WDR44: variants seen among roughly 807,000 people sequenced by gnomAD.
WDR44 encodes WD repeat domain 44.
A neutral mutation model predicts 65.7 loss-of-function variants in WDR44; 9 were observed. That is an observed-to-expected ratio of 0.14 (90% CI 0.08 to 0.24). The LOEUF is 0.24. Ranked by LOEUF, WDR44 falls within the 10% of genes least tolerant of loss-of-function variation. WDR44 has a pLI of 1.00. For missense variants in WDR44, 425 were observed against 670.9 expected (o/e 0.63, Z 4.05); for synonymous variants, 220 against 235.2 (o/e 0.94, Z 0.59).
At chrX:118,375,177 T>G (rs73599036) in intron 1 of WDR44, among the ~76,000 whole-genome samples, 14,755 of 107,823 alleles carry the variant, frequency 0.14, 1,101 homozygotes, top group African/African-American at 0.3. Context: ...GGCTTCCTGG[T>G]TTTTTTTTGT....
At chrX:118,375,094 A>G (rs1002421944) in intron 1 of WDR44, among the ~76,000 whole-genome samples, 1 of 111,890 alleles carries the variant, frequency 8.9e-6, no homozygotes. Context: ...TAATTAGCCA[A>G]TAACTTTGAT....
At chrX:118,369,313 A>G (rs764288462) in intron 1 of WDR44, among the ~76,000 whole-genome samples, 68 of 103,592 alleles carry the variant, frequency 6.6e-4, no homozygotes, top group Admixed American at 6.0e-3. Context: ...CTGGGACTAT[A>G]GGCACCCGCC....
At chrX:118,424,326 T>TATATATATATATAC (rs2057136350) in intron 12 of WDR44, among the ~76,000 whole-genome samples, 1 of 72,760 alleles carries the variant, frequency 1.4e-5, no homozygotes, top group African/African-American at 6.4e-5. Flanking sequence ...TGTGTGTGTA[T>TATATATATATATAC]ATATATATAT....
intron 19 of WDR44, chrX:118,445,081 G>T (rs1017482678): frequency 2.0e-5 from 6 of 299,160 alleles, no homozygotes; most frequent in East Asian, 1.1e-4. Context: ...GGATCACGAG[G>T]TCAGGAGATC....
At chrX:118,424,283 G>A (rs202102473) in intron 12 of WDR44, among the ~76,000 whole-genome samples, 41 of 65,829 alleles carry the variant, frequency 6.2e-4, no homozygotes, top group African/African-American at 1.0e-3. Context: ...ATATATATAT[G>A]TGTGTGTGTG....
chrX:118,419,801 T>C (rs2057088956), intron 12 of WDR44, among the ~76,000 whole-genome samples: 1 of 112,029 alleles, frequency 8.9e-6, no homozygotes, highest in Non-Finnish European at 1.9e-5. Flanking sequence ...GTTTTTTAAT[T>C]GGTACATTTA....
chrX:118,408,801 G>A (rs2056989274), intron 10 of WDR44, among the ~76,000 whole-genome samples: 1 of 112,019 alleles, frequency 8.9e-6, no homozygotes, highest in African/African-American at 3.2e-5. Flanking sequence ...GTGCTATGCT[G>A]AGGGCTCTGC....
At chrX:118,348,706 T>TGGGTGGGCAACTTATAAC (rs1257450279) in intron 1 of WDR44, among the ~76,000 whole-genome samples, 7 of 112,151 alleles carry the variant, frequency 6.2e-5, no homozygotes, top group African/African-American at 2.3e-4. Context: ...TGAGGAGATC[T>TGGGTGGGCAACTTATAAC]GGGTGGGCAA....
At chrX:118,445,922 C>G (rs1350972327) in intron 19 of WDR44, among the ~76,000 whole-genome samples, 1 of 108,870 alleles carries the variant, frequency 9.2e-6, no homozygotes, top group Non-Finnish European at 1.9e-5. Flanking sequence ...CCCAGCTACT[C>G]AGGAGGCTGA....
intron 12 of WDR44, among the ~76,000 whole-genome samples, chrX:118,416,489 G>A (rs1411198107): frequency 9.0e-6 from 1 of 111,562 alleles, no homozygotes. Flanking sequence ...GTATTTGCAC[G>A]GTTTCGAAGG....
At chrX:118,353,019 CT>C (rs1157902209) in intron 1 of WDR44, among the ~76,000 whole-genome samples, 1 of 112,154 alleles carries the variant, frequency 8.9e-6, no homozygotes, top group Non-Finnish European at 1.9e-5. Context: ...ATTGTAGGTA[CT>C]TTATGATGTC....
chrX:118,431,682 C>A (rs1172610666), intron 12 of WDR44, among the ~76,000 whole-genome samples: 1 of 112,017 alleles, frequency 8.9e-6, no homozygotes, highest in African/African-American at 3.2e-5. Context: ...TTTCTCTGTC[C>A]TCATCATCCT....
intron 13 of WDR44, among the ~76,000 whole-genome samples, chrX:118,435,445 A>T (rs1186683081): frequency 9.3e-6 from 1 of 107,207 alleles, no homozygotes; most frequent in Non-Finnish European, 1.9e-5. Context: ...CGCCCAGCTA[A>T]TTTTTTTTTT....
At chrX:118,368,712 CTTTTTTT>C (rs57659623) in intron 1 of WDR44, among the ~76,000 whole-genome samples, 2 of 70,813 alleles carry the variant, frequency 2.8e-5, no homozygotes, top group Non-Finnish European at 4.7e-5. Flanking sequence ...CATACTCTTC[CTTTTTTT>C]TTTTTTTTTT....
chrX:118,393,036 C>A lies in WDR44; in HGVS notation c.591C>A (p.Ser197=). The change falls in exon 4 of 20, where the codon TCC becomes TCA. Residue 197 remains serine (S), a synonymous_variant. Transcript: ENST00000254029. ...GDVLEPVSSD[S]LSTKDFAAVE... is the part of the protein sequence containing the mutation. The stretch of plus-strand genomic sequence containing the variant: ...TTTTAGAGCCTGTGTCCTCAGACTC[C>A]TTATCTACTAAAGATTTTGCCGCTG... 1 of 1,211,802 alleles carries A rather than the reference C, an allele frequency of 8.3e-7. No individual in the cohort carries two copies. Among genetic ancestry groups the A allele is most frequent in the Non-Finnish European group, 1.1e-6 (1 of 895,556 alleles).
chrX:118,349,750 A>G (rs1407218570), intron 1 of WDR44, among the ~76,000 whole-genome samples: 2 of 110,307 alleles, frequency 1.8e-5, no homozygotes, highest in Admixed American at 1.9e-4. Context: ...GGGTTTCACC[A>G]TGTTCGTCAG....
At chrX:118,382,074 G>A (rs1237126613) in intron 2 of WDR44, among the ~76,000 whole-genome samples, 1 of 111,365 alleles carries the variant, frequency 9.0e-6, no homozygotes, top group Non-Finnish European at 1.9e-5. Context: ...TTGCTAGGTT[G>A]TCCAGACTGG....
intron 4 of WDR44, 142 bp from the exon 5 acceptor site, chrX:118,393,913 T>C (rs1225887350): frequency 1.9e-6 from 1 of 525,913 alleles, no homozygotes; most frequent in Non-Finnish European, 3.0e-6. Flanking sequence ...AGCTGTATAG[T>C]CTTGAGGAAA....
intron 12 of WDR44, among the ~76,000 whole-genome samples, chrX:118,428,039 G>A (rs1425999326): frequency 9.2e-6 from 1 of 109,091 alleles, no homozygotes; most frequent in Non-Finnish European, 1.9e-5. Context: ...TGTAATCCTG[G>A]CACTTTGGGA....
Sources: gnomAD v4.1 joint callset for allele counts (sites outside exome capture counted in the v4.1 genomes callset) on GRCh38, gnomAD v4.1.1 for gene constraint, MANE v1.5 for transcripts, NCBI Gene and HGNC (gene_info 2026-07-23, HGNC 2026-07-21) for gene names.